The following FSD2 variants were observed in gnomAD, a reference collection of about 807,000 sequenced individuals.
FSD2 encodes fibronectin type III and SPRY domain-containing protein 2.
Under a neutral mutation model 80.4 loss-of-function variants are expected in FSD2, and 71 were observed. The ratio of observed to expected loss-of-function variants is 0.88; its 90% CI spans 0.73 to 1.08. FSD2 has a LOEUF of 1.08. Among genes scored for constraint, FSD2 ranks in the 50% least tolerant of loss-of-function variants. The pLI is 0.00. For missense variants in FSD2, 923 were observed against 913.8 expected, an observed-to-expected ratio of 1.01 and a Z score of -0.13; for synonymous variants, 361 against 329.5, an observed-to-expected ratio of 1.10 and a Z score of -1.03.
chr15:82,764,862 T>A (rs2049376619), intron 11 of FSD2, among the ~76,000 whole-genome samples: 1 of 152,070 alleles, frequency 6.6e-6, no homozygotes. Context: ...GTAATTCCTG[T>A]CCCACCCTCA....
chr15:82,783,771 T>A (rs2049929457), intron 3 of FSD2, among the ~76,000 whole-genome samples: 1 of 152,050 alleles, frequency 6.6e-6, no homozygotes, highest in South Asian at 2.1e-4. Context: ...GGTGCTTGGA[T>A]CATACAAATA....
At position 82,756,238 on chromosome 15, in the gene FSD2, T is replaced by A. The variant is rs1332123015; in HGVS notation, c.*3110A>T. On this transcript the variant is annotated 3_prime_UTR_variant, in exon 13 of 13. Transcript: ENST00000334574. ...CTTGGTAAGTTGAGGAGAGGACTTT[T>A]CTTATAGTGCAGTCTGGTAGCTGAA... The A allele has an allele frequency of 3.9e-6, 1 of 255,672 alleles. No homozygotes were observed. The highest frequency in any genetic ancestry group is 9.1e-5 in the East Asian group (1 of 10,970). The allele number at this position is 255,672 out of a possible 1,614,324, so 15.8% of individuals were successfully genotyped here. A position where few individuals can be genotyped will look rare whatever the true frequency, so the allele number is the denominator to read the frequency against.
intron 7 of FSD2, among the ~76,000 whole-genome samples, chr15:82,770,247 A>G (rs2049533080): frequency 6.6e-6 from 1 of 152,348 alleles, no homozygotes; most frequent in Middle Eastern, 3.4e-3. Flanking sequence ...GACCGCAGGG[A>G]GAGAGACCCC....
At chr15:82,775,655 C>A (rs1458536699) in intron 6 of FSD2, among the ~76,000 whole-genome samples, 1 of 152,064 alleles carries the variant, frequency 6.6e-6, no homozygotes. Flanking sequence ...TTGCTCTAAT[C>A]TTTATTATTT....
intron 9 of FSD2, among the ~76,000 whole-genome samples, chr15:82,767,583 A>C (rs1207498319): frequency 6.6e-6 from 1 of 152,204 alleles, no homozygotes; most frequent in Non-Finnish European, 1.5e-5. Context: ...CAGGTTACTG[A>C]CCAGCCCTCT....
rs1163741699 is a variant in FSD2 at position 82,768,894 on chromosome 15, G to A, written c.1539C>T (p.Ala513=). ...VELTQAESPE[A]SGVTESVVGI... is the part of the protein sequence containing the mutation. ...TCATGACTCACTCAGTTACACCCGA[G>A]GCTTCTGGACTTTCAGCCTGGGTCA... The change falls in exon 9 of 13, where the codon GCC becomes GCT. Residue 513 remains alanine, a synonymous_variant. Transcript: ENST00000334574. 2.6e-6 allele frequency: 4 copies of A among 1,559,970 alleles called. No homozygotes were observed. Among genetic ancestry groups the A allele is most frequent in the Middle Eastern group, 1.7e-4 (1 of 5,818 alleles).
chr15:82,789,941 C>A (rs2050099014), intron 1 of FSD2, among the ~76,000 whole-genome samples: 1 of 152,154 alleles, frequency 6.6e-6, no homozygotes, highest in East Asian at 1.9e-4. Flanking sequence ...CTTTTGGAGG[C>A]CAAGATGGGC....
intron 1 of FSD2, among the ~76,000 whole-genome samples, chr15:82,799,796 G>A (rs1198507006): frequency 3.3e-5 from 5 of 152,214 alleles, no homozygotes; most frequent in Non-Finnish European, 7.3e-5. Context: ...CGTAGAGTCA[G>A]AAAGTCTAGA....
Position 82,759,132 on chromosome 15 carries a change from G to A in FSD2, c.*216C>T, listed in dbSNP as rs995298647. ...GTCTGAGCCTTTATTTTACAGCTGG[G>A]CCTGGTAATGACTATCCTAGCAGCA... is the stretch of plus-strand genomic sequence containing the variant. On this transcript the variant is annotated 3_prime_UTR_variant, in exon 13 of 13. Coordinates refer to ENST00000334574, the MANE Select transcript of FSD2 (RefSeq NM_001007122.4). 5.6e-6 allele frequency: 3 copies of A among 536,868 alleles called. No individual in the cohort carries two copies. The highest frequency in any genetic ancestry group is 9.8e-6 in the Non-Finnish European group (3 of 305,618). 33.3% of individuals were successfully genotyped at this position (536,868 alleles called of 1,614,324 possible). A position where few individuals can be genotyped will look rare whatever the true frequency, so the allele number is the denominator to read the frequency against.
chr15:82,755,958 A>G lies in FSD2; in HGVS notation c.*3390T>C. 1.9e-6 allele frequency: 1 copy of G among 516,066 alleles called. No individual in the cohort carries two copies. Among genetic ancestry groups the G allele is most frequent in the South Asian group, 1.4e-5 (1 of 70,918 alleles). 32.0% of individuals were successfully genotyped at this position (516,066 alleles called of 1,614,324 possible). A position where few individuals can be genotyped will look rare whatever the true frequency, so the allele number is the denominator to read the frequency against. ...GGTTATGTTCTTCTGGAGACTAAGA[A>G]AATAGAGTCCTTGAAATCAAGCTGA... On this transcript the variant is annotated 3_prime_UTR_variant, in exon 13 of 13. Transcript: ENST00000334574.
chr15:82,783,124 A>G lies in FSD2; in HGVS notation c.736-99T>C, dbSNP rs552747597. On this transcript the variant is annotated intron_variant, in intron 3 of 12. Transcript: ENST00000334574. Reference sequence around the variant, plus strand: ...TTTTGTTTGTTTGTTTTTGAGACACAGTCTTGCAGTGTTGCCCAGGCTGGA... The same window carrying G: ...TTTTGTTTGTTTGTTTTTGAGACACGGTCTTGCAGTGTTGCCCAGGCTGGA... 2.7e-5 allele frequency: 23 copies of G among 853,188 alleles called. 1 individual carries two copies. Among genetic ancestry groups the G allele is most frequent in the Non-Finnish European group, 3.7e-5 (20 of 540,586 alleles). The allele number at this position is 853,188 out of a possible 1,614,324, so 52.9% of individuals were successfully genotyped here. A position where few individuals can be genotyped will look rare whatever the true frequency, so the allele number is the denominator to read the frequency against.
Position 82,755,944 on chromosome 15 carries a change from T to C in FSD2, c.*3404A>G, listed in dbSNP as rs73443066. 3,216 of 512,982 alleles carry C rather than the reference T, an allele frequency of 6.3e-3. 93 individuals carry two copies. The highest frequency in any genetic ancestry group is 0.057 in the African/African-American group (2,949 of 51,788). The allele number at this position is 512,982 out of a possible 1,614,324, so 31.8% of individuals were successfully genotyped here. Reference sequence around the variant, plus strand: ...TAAAAGCTGGATTTGGTTATGTTCTTCTGGAGACTAAGAAAATAGAGTCCT... The same window carrying C: ...TAAAAGCTGGATTTGGTTATGTTCTCCTGGAGACTAAGAAAATAGAGTCCT... On this transcript the variant is annotated 3_prime_UTR_variant, in exon 13 of 13. Coordinates refer to ENST00000334574, the MANE Select transcript of FSD2 (RefSeq NM_001007122.4).
rs1417944024 is a variant in FSD2, at chr15:82,756,296, T to C, written c.*3052A>G. On this transcript the variant is annotated 3_prime_UTR_variant, in exon 13 of 13. Coordinates refer to ENST00000334574, the MANE Select transcript of FSD2 (RefSeq NM_001007122.4). ...GCATCAAGACCAATGTAGTCTTATT[T>C]ACAGAATGCCACATCACAGTGAATT... 5.4e-6 allele frequency: 1 copy of C among 184,628 alleles called. No individual in the cohort carries two copies. Among genetic ancestry groups the C allele is most frequent in the Non-Finnish European group, 1.2e-5 (1 of 86,084 alleles). The allele number at this position is 184,628 out of a possible 1,614,324, so 11.4% of individuals were successfully genotyped here.
rs1193713770 is a variant in FSD2 at position 82,791,062 on chromosome 15, G to C, written c.-78-3594C>G. Among the ~76,000 whole-genome samples the C allele has an allele frequency of 5.5e-5, 8 of 146,410 alleles. No homozygotes were observed. In the East Asian group the frequency reaches 1.3e-3, roughly 23 times the overall value. On this transcript the variant is annotated intron_variant, in intron 1 of 12. Coordinates refer to ENST00000334574, the MANE Select transcript of FSD2 (RefSeq NM_001007122.4). The stretch of plus-strand genomic sequence containing the variant: ...CACCCAGGCTGGAGTGCAGTGGCGC[G>C]ATCTTAGCTCACTGCAAGCTCCGCC...
intron 6 of FSD2, among the ~76,000 whole-genome samples, chr15:82,774,248 AT>A (rs970506453): frequency 3.3e-5 from 5 of 151,676 alleles, no homozygotes; most frequent in Admixed American, 2.0e-4. Flanking sequence ...AATTTTTAAG[AT>A]TTTTTTTGTA....
At chr15:82,778,127 C>T (rs1289309211) in intron 6 of FSD2, among the ~76,000 whole-genome samples, 1 of 83,930 alleles carries the variant, frequency 1.2e-5, no homozygotes, top group Non-Finnish European at 2.1e-5. Flanking sequence ...ACAAAAAAAC[C>T]ATATATATAT....
In FSD2 at chr15:82,759,545, G is replaced by A. The variant is rs534841650; in HGVS notation, c.2053C>T (p.Pro685Ser). The A allele has an allele frequency of 2.5e-6, 4 of 1,605,948 alleles. No homozygotes were observed. Among genetic ancestry groups the A allele is most frequent in the South Asian group, 1.1e-5 (1 of 89,726 alleles). The part of the protein sequence containing the change: ...RTTPDIRITV[P>S]PKKIGILLDY... ...AATAGAATGCCAATCTTCTTTGGTGGAACTGTTATTCTTATATCTGGAGTT... is the reference window on the plus strand; with the variant it reads ...AATAGAATGCCAATCTTCTTTGGTGAAACTGTTATTCTTATATCTGGAGTT... The change falls in exon 13 of 13, where the codon CCA becomes TCA. Residue 685 changes from proline to serine, a missense_variant. Physicochemically the swap from Pro to Ser is moderately conservative, Grantham distance 74. Coordinates refer to ENST00000334574, the MANE Select transcript of FSD2 (RefSeq NM_001007122.4).
chr15:82,783,437 C>T (rs1386652292), intron 3 of FSD2, among the ~76,000 whole-genome samples: 3 of 152,160 alleles, frequency 2.0e-5, no homozygotes, highest in Admixed American at 6.6e-5. Context: ...ATGTGCCTAT[C>T]AGAACTATTT....
intron 1 of FSD2, among the ~76,000 whole-genome samples, chr15:82,802,919 T>A (rs2050448785): frequency 6.6e-6 from 1 of 152,126 alleles, no homozygotes; most frequent in Non-Finnish European, 1.5e-5. Flanking sequence ...ACATGCATGG[T>A]CTGTGGTGTT....
Sources: allele counts gnomAD v4.1 joint callset (sites outside exome capture counted in the v4.1 genomes callset), GRCh38; gene constraint gnomAD v4.1.1; transcripts MANE v1.5; gene names NCBI Gene and HGNC (gene_info 2026-07-23, HGNC 2026-07-21).